The following RNF150 variants were observed in gnomAD, a reference collection of about 807,000 sequenced individuals.
RNF150 encodes the protein ring finger protein 150.
RNF150 carries 24 observed loss-of-function variants against 39.3 expected under a neutral mutation model. The observed-to-expected ratio is 0.61, with a 90% CI of 0.44 to 0.86. The LOEUF (loss-of-function observed/expected upper bound fraction) is 0.86. Ranked by LOEUF, RNF150 falls within the 40% of genes least tolerant of loss-of-function variation. The pLI, the probability that RNF150 is intolerant of heterozygous loss-of-function variation, is 0.00. For missense variants in RNF150, 502 were observed against 587.8 expected (o/e 0.85, Z 1.51); for synonymous variants, 255 against 227.3 (o/e 1.12, Z -1.10).
rs397995597 is a variant in RNF150 at position 141,012,781 on chromosome 4, CAAAAAAA to C, written c.485-44915_485-44909del. On this transcript the variant is annotated intron_variant, in intron 1 of 6. Transcript: ENST00000515673. ...CTGGTGACAGAGTAAGACTCTGTCT[CAAAAAAA>C]AAAAAAAAAAAAAAGGCATCCCCTA... 4.1e-4 allele frequency among the ~76,000 whole-genome samples: 29 copies of C among 71,432 alleles called. 1 individual carries two copies. Among genetic ancestry groups the C allele is most frequent in the Admixed American group, 6.1e-4 (3 of 4,896 alleles). 46.9% of individuals were successfully genotyped at this position (71,432 alleles called of 152,430 possible).
intron 6 of RNF150, among the ~76,000 whole-genome samples, chr4:140,899,944 TTCTC>T (rs60297205): frequency 1.3e-3 from 139 of 110,122 alleles, no homozygotes; most frequent in African/African-American, 4.7e-3. Flanking sequence ...CTCTCTCACT[TTCTC>T]TCTCTCTCTC....
chr4:141,096,179 T>G (rs1184699904), intron 1 of RNF150, among the ~76,000 whole-genome samples: 1 of 145,336 alleles, frequency 6.9e-6, no homozygotes, highest in Non-Finnish European at 1.5e-5. Context: ...CCAAGGAGAG[T>G]TTTTAGCTTT....
chr4:141,174,566 G>T (rs1426052927), intron 1 of RNF150, among the ~76,000 whole-genome samples: 1 of 152,150 alleles, frequency 6.6e-6, no homozygotes, highest in African/African-American at 2.4e-5. Context: ...AAGTAGTTAG[G>T]TGGTGAAGAG....
chr4:141,198,745 T>C (rs761921069), intron 1 of RNF150, among the ~76,000 whole-genome samples: 28 of 152,224 alleles, frequency 1.8e-4, no homozygotes, highest in Middle Eastern at 3.2e-3. Flanking sequence ...AGTTTGGGGC[T>C]AAGAGCATCT....
At chr4:140,978,490 T>C (rs1345421130) in intron 1 of RNF150, among the ~76,000 whole-genome samples, 1 of 152,216 alleles carries the variant, frequency 6.6e-6, no homozygotes, top group Non-Finnish European at 1.5e-5. Flanking sequence ...TTTGTAGACA[T>C]TCCTATTCTA....
intron 6 of RNF150, among the ~76,000 whole-genome samples, chr4:140,890,221 T>C (rs1306895229): frequency 6.6e-6 from 1 of 152,234 alleles, no homozygotes; most frequent in Non-Finnish European, 1.5e-5. Context: ...TTGCTATTTG[T>C]GTTATCCTGC....
At chr4:140,934,570 T>C (rs1731765510) in intron 4 of RNF150, among the ~76,000 whole-genome samples, 1 of 152,152 alleles carries the variant, frequency 6.6e-6, no homozygotes, top group South Asian at 2.1e-4. Flanking sequence ...TGGAAAGTAA[T>C]ATCCAGAAAA....
At chr4:141,089,491 G>A (rs139734430) in intron 1 of RNF150, among the ~76,000 whole-genome samples, 13 of 152,300 alleles carry the variant, frequency 8.5e-5, no homozygotes, top group Admixed American at 8.5e-4. Context: ...GAAAACTTAC[G>A]ACTTGTGTCA....
At chr4:141,026,394 T>C (rs896279857) in intron 1 of RNF150, among the ~76,000 whole-genome samples, 1 of 152,218 alleles carries the variant, frequency 6.6e-6, no homozygotes, top group African/African-American at 2.4e-5. Flanking sequence ...AGCAGTGCTA[T>C]TGAATAGAAA....
At position 141,120,319 on chromosome 4, in the gene RNF150, A is replaced by T. The variant is rs142945407; in HGVS notation, c.484+12006T>A. On this transcript the variant is annotated intron_variant, in intron 1 of 6. Coordinates refer to ENST00000515673, the MANE Select transcript of RNF150 (RefSeq NM_020724.2). Reference sequence around the variant, plus strand: ...GGGGGTAAAGGGCGATGATGACAGGAAACGGTGACTGATGATGGGAAAAGG... The same window carrying T: ...GGGGGTAAAGGGCGATGATGACAGGTAACGGTGACTGATGATGGGAAAAGG... 2.2e-3 allele frequency among the ~76,000 whole-genome samples: 341 copies of T among 152,332 alleles called. 5 individuals carry two copies. Among genetic ancestry groups the T allele is most frequent in the African/African-American group, 7.9e-3 (327 of 41,582 alleles).
intron 1 of RNF150, among the ~76,000 whole-genome samples, chr4:141,074,677 A>G (rs767165864): frequency 1.1e-4 from 16 of 152,168 alleles, no homozygotes; most frequent in Non-Finnish European, 2.1e-4. Flanking sequence ...AGCAGGATAC[A>G]GCTCTCAGGC....
Position 141,132,292 on chromosome 4 carries a change from G to A in RNF150, c.484+33C>T. On this transcript the variant is annotated intron_variant, in intron 1 of 6. Coordinates refer to ENST00000515673, the MANE Select transcript of RNF150 (RefSeq NM_020724.2). The surrounding 1 kb of genome is among the most constrained non-coding windows in gnomAD (Gnocchi z 4.9). ...CCTCTAGGCACCTCCGTCCCCGCCG[G>A]CTCCCCTCCCCCGCGCCCGCTGGGC... The A allele has an allele frequency of 1.3e-6, 2 of 1,554,312 alleles. No individual in the cohort carries two copies. Among genetic ancestry groups the A allele is most frequent in the African/African-American group, 1.4e-5 (1 of 73,624 alleles).
intron 1 of RNF150, among the ~76,000 whole-genome samples, chr4:141,070,210 C>T (rs1304299124): frequency 6.6e-6 from 1 of 152,200 alleles, no homozygotes; most frequent in Non-Finnish European, 1.5e-5. Flanking sequence ...CCCTTCCTTA[C>T]ACCTTATACA....
chr4:141,165,215 T>C (rs866663795), intron 1 of RNF150, among the ~76,000 whole-genome samples: 7 of 151,970 alleles, frequency 4.6e-5, no homozygotes, highest in Non-Finnish European at 8.8e-5. Flanking sequence ...CATTACGTAA[T>C]GGTAAAGGGA....
intron 1 of RNF150, among the ~76,000 whole-genome samples, chr4:141,190,760 T>A (rs942012775): frequency 1.3e-5 from 2 of 152,252 alleles, no homozygotes; most frequent in Non-Finnish European, 2.9e-5. Context: ...TATTGAACAC[T>A]AACTATGTCT....
intron 4 of RNF150, among the ~76,000 whole-genome samples, chr4:140,936,163 A>G (rs1731857128): frequency 6.6e-6 from 1 of 152,120 alleles, no homozygotes; most frequent in South Asian, 2.1e-4. Context: ...GTGTACCCCA[A>G]TTTGTTTGCA....
At chr4:141,007,571 C>T (rs555177768) in intron 1 of RNF150, among the ~76,000 whole-genome samples, 35 of 152,224 alleles carry the variant, frequency 2.3e-4, no homozygotes, top group African/African-American at 7.5e-4. Context: ...ATTTATTCTT[C>T]GTGTACTTAA....
chr4:141,115,957 G>C (rs560679612), intron 1 of RNF150, among the ~76,000 whole-genome samples: 45 of 152,120 alleles, frequency 3.0e-4, no homozygotes, highest in Non-Finnish European at 5.7e-4. Context: ...AACTGAAACT[G>C]GACCCCTTCC....
chr4:140,880,197 T>C (rs1352968366), intron 6 of RNF150, among the ~76,000 whole-genome samples: 1 of 152,206 alleles, frequency 6.6e-6, no homozygotes, highest in Non-Finnish European at 1.5e-5. Context: ...TGAATATTTT[T>C]ATTATAAAAG....
Sources: allele counts gnomAD v4.1 joint callset (sites outside exome capture counted in the v4.1 genomes callset), GRCh38; gene constraint gnomAD v4.1.1; non-coding constraint Gnocchi (gnomAD v3.1); transcripts MANE v1.5; gene names NCBI Gene and HGNC (gene_info 2026-07-23, HGNC 2026-07-21).